Variants in SLC25A17 observed in about 807,000 individuals in gnomAD.
SLC25A17 encodes peroxisomal membrane protein PMP34.
A neutral mutation model predicts 38.5 loss-of-function variants in SLC25A17; 26 were observed. The ratio of observed to expected loss-of-function variants is 0.68; its 90% CI spans 0.50 to 0.94. SLC25A17 has a LOEUF of 0.94. Ranked by LOEUF, SLC25A17 falls within the 40% of genes least tolerant of loss-of-function variation. SLC25A17 has a pLI of 0.00. For synonymous variants in SLC25A17, 139 were observed against 136.2 expected (o/e 1.02, Z -0.14); for missense variants, 333 against 372.7 (o/e 0.89, Z 0.88).
chr22:40,798,062 A>C (rs1269486407), intron 2 of SLC25A17: 2 of 152,444 alleles, frequency 1.3e-5, no homozygotes, highest in African/African-American at 4.8e-5. Context: ...TCCAGGCTAA[A>C]GTCACCCCAG....
Position 40,799,053 on chromosome 22 carries a change from G to GA in SLC25A17, c.84dup (p.Pro29SerfsTer6). The GA allele has an allele frequency of 6.2e-7, 1 of 1,613,404 alleles. No homozygotes were observed. Among genetic ancestry groups the GA allele is most frequent in the South Asian group, 1.1e-5 (1 of 91,044 alleles). On this transcript the variant is annotated frameshift_variant, in exon 2 of 9. Transcript: ENST00000435456. LOFTEE classifies it high-confidence loss of function. Reference sequence around the variant, plus strand: ...AGTCGAAGTCTAGCTGTATCCAGGGGAAAAAACACTGTCATTGCTGTCACG... The same window carrying GA: ...AGTCGAAGTCTAGCTGTATCCAGGGGAAAAAAACACTGTCATTGCTGTCACG...
Position 40,770,581 on chromosome 22 carries a change from C to G in SLC25A17, c.*253G>C, listed in dbSNP as rs1602581668. Reference sequence around the variant, plus strand: ...AAACCAATAAACACTCACAAACTTTCATTTTTAGGTTTTCAGCAATGTTTT... The same window carrying G: ...AAACCAATAAACACTCACAAACTTTGATTTTTAGGTTTTCAGCAATGTTTT... On this transcript the variant is annotated 3_prime_UTR_variant, in exon 9 of 9. Coordinates refer to ENST00000435456, the MANE Select transcript of SLC25A17 (RefSeq NM_006358.4). 3.3e-6 allele frequency: 1 copy of G among 304,612 alleles called. No individual in the cohort carries two copies. The highest frequency in any genetic ancestry group is 6.0e-6 in the Non-Finnish European group (1 of 166,716). 18.9% of individuals were successfully genotyped at this position (304,612 alleles called of 1,614,324 possible).
At chr22:40,795,594 T>C (rs1850332620) in intron 2 of SLC25A17, among the ~76,000 whole-genome samples, 1 of 151,660 alleles carries the variant, frequency 6.6e-6, no homozygotes, top group African/African-American at 2.4e-5. Context: ...CCAGCCTAAT[T>C]TATTTCTTAT....
chr22:40,777,839 C>T (rs1025799531), intron 5 of SLC25A17, among the ~76,000 whole-genome samples: 3 of 151,632 alleles, frequency 2.0e-5, no homozygotes, highest in Non-Finnish European at 4.4e-5. Flanking sequence ...TCAAGTTTAT[C>T]GGTTAATTAC....
chr22:40,815,049 G>A (rs2145714149), intron 1 of SLC25A17, among the ~76,000 whole-genome samples: 1 of 152,116 alleles, frequency 6.6e-6, no homozygotes, highest in African/African-American at 2.4e-5. Flanking sequence ...TCGATCTCCT[G>A]ACCTCGTGAT....
intron 8 of SLC25A17, among the ~76,000 whole-genome samples, chr22:40,771,300 T>C (rs1000475906): frequency 6.6e-6 from 1 of 152,048 alleles, no homozygotes; most frequent in Non-Finnish European, 1.5e-5. Flanking sequence ...TTAGTGGAGA[T>C]GGGGTTTCAC....
chr22:40,808,590 T>C (rs1033965578), intron 1 of SLC25A17, among the ~76,000 whole-genome samples: 2 of 152,256 alleles, frequency 1.3e-5, no homozygotes, highest in African/African-American at 4.8e-5. Context: ...AATGATTATA[T>C]GGGAAGGGAG....
chr22:40,793,334 G>A (rs551255190), intron 3 of SLC25A17, among the ~76,000 whole-genome samples: 1 of 152,312 alleles, frequency 6.6e-6, no homozygotes, highest in South Asian at 2.1e-4. Context: ...AAATTTAGGG[G>A]AAAAATGTTG....
At chr22:40,808,407 G>A (rs1280370129) in intron 1 of SLC25A17, among the ~76,000 whole-genome samples, 6 of 152,196 alleles carry the variant, frequency 3.9e-5, no homozygotes, top group Non-Finnish European at 2.9e-5. Context: ...CAGAGGCAAG[G>A]TTACAACCAA....
rs1050488519 is a variant in SLC25A17, at chr22:40,769,879, C to T, written c.*955G>A. ...CCGTCTGATGGACCACACTGAGCAA[C>T]AGGACTCTAAGGAAGGTTTCCAAAT... is the stretch of plus-strand genomic sequence containing the variant. On this transcript the variant is annotated 3_prime_UTR_variant, in exon 9 of 9. Transcript: ENST00000435456. The T allele has an allele frequency of 6.6e-6, 1 of 152,156 alleles. No individual in the cohort carries two copies. Among genetic ancestry groups the T allele is most frequent in the African/African-American group, 2.4e-5 (1 of 41,430 alleles). 9.4% of individuals were successfully genotyped at this position (152,156 alleles called of 1,614,324 possible). A position where few individuals can be genotyped will look rare whatever the true frequency, so the allele number is the denominator to read the frequency against.
Position 40,780,140 on chromosome 22 carries a change from T to C in SLC25A17, c.335-1015A>G, listed in dbSNP as rs940731151. The C allele has an allele frequency of 5.9e-5, 9 of 152,324 alleles. No individual in the cohort carries two copies. In the South Asian group the frequency reaches 1.9e-3, roughly 32 times the overall value. The allele number at this position is 152,324 out of a possible 1,614,324, so 9.4% of individuals were successfully genotyped here. A position where few individuals can be genotyped will look rare whatever the true frequency, so the allele number is the denominator to read the frequency against. On this transcript the variant is annotated intron_variant, in intron 4 of 8. Coordinates refer to ENST00000435456, the MANE Select transcript of SLC25A17 (RefSeq NM_006358.4). ...GATAATTGAAGAAATAAAGTTTTGATTTAAGGTATCTCAAAATATTATATA... is the reference window on the plus strand; with the variant it reads ...GATAATTGAAGAAATAAAGTTTTGACTTAAGGTATCTCAAAATATTATATA...
At chr22:40,781,337 C>T (rs951843382) in intron 4 of SLC25A17, among the ~76,000 whole-genome samples, 8 of 152,084 alleles carry the variant, frequency 5.3e-5, no homozygotes, top group South Asian at 4.2e-4. Context: ...GCTCCGCCTC[C>T]CCGGCTCACA....
intron 1 of SLC25A17, chr22:40,799,784 T>C (rs1047192246): frequency 3.9e-5 from 6 of 152,244 alleles, no homozygotes; most frequent in African/African-American, 1.4e-4. Flanking sequence ...GCTTCTACTA[T>C]GCTTTAGTAG....
Position 40,769,739 on chromosome 22 carries a change from A to G in SLC25A17, c.*1095T>C, listed in dbSNP as rs752855012. Reference sequence around the variant, plus strand: ...CTTCTTCTCATGGGTCAGGGGTCCTATGGTCTCCTGAACTTTAATGTGGCT... The same window carrying G: ...CTTCTTCTCATGGGTCAGGGGTCCTGTGGTCTCCTGAACTTTAATGTGGCT... On this transcript the variant is annotated 3_prime_UTR_variant, in exon 9 of 9. Coordinates refer to ENST00000435456, the MANE Select transcript of SLC25A17 (RefSeq NM_006358.4). 1 of 152,162 alleles carries G rather than the reference A, an allele frequency of 6.6e-6. No homozygotes were observed. Among genetic ancestry groups the G allele is most frequent in the Non-Finnish European group, 1.5e-5 (1 of 68,030 alleles). The allele number at this position is 152,162 out of a possible 1,614,324, so 9.4% of individuals were successfully genotyped here.
At chr22:40,809,046 G>A (rs537841944) in intron 1 of SLC25A17, among the ~76,000 whole-genome samples, 3 of 151,550 alleles carry the variant, frequency 2.0e-5, no homozygotes, top group Admixed American at 2.0e-4. Context: ...ATGACGTTTT[G>A]GAAAATATGG....
At chr22:40,792,855 C>T (rs1214626963) in intron 3 of SLC25A17, among the ~76,000 whole-genome samples, 179 bp from the exon 4 acceptor site, 1 of 152,180 alleles carries the variant, frequency 6.6e-6, no homozygotes, top group Non-Finnish European at 1.5e-5. Context: ...ATCAAGAAAT[C>T]TATTCTAGCA....
intron 4 of SLC25A17, among the ~76,000 whole-genome samples, chr22:40,783,732 G>A (rs550604665): frequency 1.3e-5 from 2 of 151,792 alleles, no homozygotes; most frequent in Admixed American, 6.6e-5. Context: ...TGGAGATGGA[G>A]TCTCGCTCTA....
chr22:40,799,403 GC>G (rs2057461421), intron 1 of SLC25A17, among the ~76,000 whole-genome samples: 1 of 132,066 alleles, frequency 7.6e-6, no homozygotes, highest in South Asian at 2.4e-4. Context: ...TTGTTCTGTT[GC>G]CCAGGCTAGA....
chr22:40,808,493 T>G (rs2057549550), intron 1 of SLC25A17, among the ~76,000 whole-genome samples: 1 of 152,230 alleles, frequency 6.6e-6, no homozygotes, highest in Admixed American at 6.5e-5. Context: ...AAGACACACA[T>G]GACGTTGAAA....
Sources: gnomAD v4.1 joint callset for allele counts (sites outside exome capture counted in the v4.1 genomes callset) on GRCh38, gnomAD v4.1.1 for gene constraint, MANE v1.5 for transcripts, NCBI Gene and HGNC (gene_info 2026-07-23, HGNC 2026-07-21) for gene names.